Variants in BAIAP2L1 observed in about 807,000 individuals in gnomAD.
The protein encoded by BAIAP2L1 is BAR/IMD domain-containing adapter protein 2-like 1.
BAIAP2L1 carries 35 observed loss-of-function variants against 66.3 expected under a neutral mutation model. That is an observed-to-expected ratio of 0.53 (90% CI 0.40 to 0.70). BAIAP2L1 has a LOEUF of 0.70. Ranked by LOEUF, BAIAP2L1 falls within the 30% of genes least tolerant of loss-of-function variation. BAIAP2L1 has a pLI of 0.00. For missense variants in BAIAP2L1, 622 were observed against 656.9 expected, an observed-to-expected ratio of 0.95 and a Z score of 0.58; for synonymous variants, 269 against 248.7, an observed-to-expected ratio of 1.08 and a Z score of -0.77.
At chr7:98,386,693 G>A (rs1286760120) in intron 1 of BAIAP2L1, 1 of 155,918 alleles carries the variant, frequency 6.4e-6, no homozygotes, top group African/African-American at 5.6e-5. Context: ...CTTTCCAAAG[G>A]TTTTTTTTTT....
intron 12 of BAIAP2L1, among the ~76,000 whole-genome samples, chr7:98,296,437 C>G (rs980556762): frequency 2.6e-5 from 4 of 152,070 alleles, no homozygotes; most frequent in African/African-American, 9.7e-5. Context: ...ACCAGCCTGA[C>G]CAACATGGAG....
chr7:98,356,058 A>C (rs1319193371), intron 2 of BAIAP2L1, among the ~76,000 whole-genome samples: 1 of 152,190 alleles, frequency 6.6e-6, no homozygotes, highest in Non-Finnish European at 1.5e-5. Flanking sequence ...TATTGCTACA[A>C]GGTGGGTTCT....
chr7:98,345,902 TA>T (rs1378967633), intron 3 of BAIAP2L1, among the ~76,000 whole-genome samples: 6 of 151,290 alleles, frequency 4.0e-5, no homozygotes, highest in Middle Eastern at 3.4e-3. Flanking sequence ...AAATCATTTA[TA>T]GGATGGCTAT....
intron 2 of BAIAP2L1, among the ~76,000 whole-genome samples, chr7:98,357,047 A>G (rs1323521750): frequency 1.2e-4 from 2 of 16,492 alleles, no homozygotes; most frequent in African/African-American, 4.8e-4. Context: ...ATATATATAT[A>G]TATTTTTTTT....
At chr7:98,373,233 C>T (rs1163352527) in intron 1 of BAIAP2L1, among the ~76,000 whole-genome samples, 2 of 152,060 alleles carry the variant, frequency 1.3e-5, no homozygotes, top group African/African-American at 4.8e-5. Context: ...CTGTTCATAC[C>T]CATCATGAAT....
At position 98,306,427 on chromosome 7, in the gene BAIAP2L1, G is replaced by A. The variant is rs201317801; in HGVS notation, c.1241+12C>T. On this transcript the variant is annotated intron_variant, in intron 11 of 13. Coordinates refer to ENST00000005260, the MANE Select transcript of BAIAP2L1 (RefSeq NM_018842.5). ...TCTGTCACCGGGAGAGCTCAGCCAC[G>A]TTCAGGGCTACCTTGGCGTGGGCAC... 5.0e-6 allele frequency: 8 copies of A among 1,614,156 alleles called. No homozygotes were observed. The highest frequency in any genetic ancestry group is 4.0e-5 in the African/African-American group (3 of 75,040).
At chr7:98,353,302 AAC>A (rs1331208044) in intron 3 of BAIAP2L1, among the ~76,000 whole-genome samples, 1 of 146,666 alleles carries the variant, frequency 6.8e-6, no homozygotes, top group African/African-American at 2.5e-5. Context: ...CAACCTGGCC[AAC>A]ACAGAGAGAC....
chr7:98,393,104 C>CAT lies in BAIAP2L1; in HGVS notation c.51+7696_51+7697dup, dbSNP rs1331400439. 2.4e-3 allele frequency among the ~76,000 whole-genome samples: 212 copies of CAT among 88,872 alleles called. 2 individuals carry two copies. The highest frequency in any genetic ancestry group is 8.1e-3 in the African/African-American group (174 of 21,492). 58.3% of individuals were successfully genotyped at this position (88,872 alleles called of 152,430 possible). A position where few individuals can be genotyped will look rare whatever the true frequency, so the allele number is the denominator to read the frequency against. Reference sequence around the variant, plus strand: ...ACACATATATACATATATACGTGTACATATATGTACACATATATGTATATA... The same window carrying CAT: ...ACACATATATACATATATACGTGTACATATATATGTACACATATATGTATATA... On this transcript the variant is annotated intron_variant, in intron 1 of 13. Coordinates refer to ENST00000005260, the MANE Select transcript of BAIAP2L1 (RefSeq NM_018842.5).
intron 1 of BAIAP2L1, among the ~76,000 whole-genome samples, chr7:98,384,112 C>A (rs867222946): frequency 3.8e-4 from 57 of 149,398 alleles, no homozygotes; most frequent in African/African-American, 1.2e-3. Context: ...CGAGATCGCA[C>A]CATTGCAATC....
intron 1 of BAIAP2L1, chr7:98,386,270 G>A (rs572901747): frequency 2.9e-5 from 46 of 1,594,080 alleles, no homozygotes; most frequent in Middle Eastern, 1.7e-4. Context: ...ATTTTGTCAC[G>A]GGTAAGATCC....
At chr7:98,330,209 A>G (rs1040595515) in intron 3 of BAIAP2L1, among the ~76,000 whole-genome samples, 1 of 152,208 alleles carries the variant, frequency 6.6e-6, no homozygotes, top group Non-Finnish European at 1.5e-5. Context: ...TATCAGACAG[A>G]GAACTAACCA....
chr7:98,311,501 A>G (rs1243765373), intron 8 of BAIAP2L1, among the ~76,000 whole-genome samples: 1 of 151,970 alleles, frequency 6.6e-6, no homozygotes, highest in Non-Finnish European at 1.5e-5. Flanking sequence ...AGATTGCGCC[A>G]TTGCACTCCA....
chr7:98,388,564 T>A (rs1024268804), intron 1 of BAIAP2L1, among the ~76,000 whole-genome samples: 1 of 152,256 alleles, frequency 6.6e-6, no homozygotes, highest in African/African-American at 2.4e-5. Flanking sequence ...TGTTCCTGCA[T>A]TTATTGTTCA....
chr7:98,355,096 C>T lies in BAIAP2L1; in HGVS notation c.160G>A (p.Gly54Arg). 6.2e-7 allele frequency: 1 copy of T among 1,613,984 alleles called. No individual in the cohort carries two copies. The highest frequency in any genetic ancestry group is 8.5e-7 in the Non-Finnish European group (1 of 1,179,862). Residue 54 changes from glycine to arginine, a missense_variant, in exon 3 of 14, where the codon GGA becomes AGA. By Grantham distance (125) the Gly-to-Arg change is moderately radical (BLOSUM62 -2). Transcript: ENST00000005260. ...MILAGKAYYD[G>R]VAKIGEIATG... ...GCAATCTCACCGATCTTGGCCACTCCATCGTAGTAGGCTTTTCCTGCCAGG... is the reference window on the plus strand; with the variant it reads ...GCAATCTCACCGATCTTGGCCACTCTATCGTAGTAGGCTTTTCCTGCCAGG...
At chr7:98,377,819 CAAAAAAAAAA>C (rs55633908) in intron 1 of BAIAP2L1, among the ~76,000 whole-genome samples, 9 of 40,768 alleles carry the variant, frequency 2.2e-4, no homozygotes, top group Admixed American at 4.5e-4. Flanking sequence ...GACTCAATCT[CAAAAAAAAAA>C]AAAAAAAAAA....
intron 1 of BAIAP2L1, chr7:98,400,050 C>T (rs544931272): frequency 2.6e-5 from 4 of 151,822 alleles, no homozygotes; most frequent in Admixed American, 2.6e-4. Context: ...AGAGGAAACT[C>T]GAGCTTGTGT....
At chr7:98,301,662 G>GGTGT (rs140880740) in intron 12 of BAIAP2L1, among the ~76,000 whole-genome samples, 12 of 151,400 alleles carry the variant, frequency 7.9e-5, no homozygotes, top group African/African-American at 2.9e-4. Context: ...TGAAGATGAT[G>GGTGT]GTGTGTGTGT....
At chr7:98,342,593 C>T (rs933405897) in intron 3 of BAIAP2L1, among the ~76,000 whole-genome samples, 1 of 152,128 alleles carries the variant, frequency 6.6e-6, no homozygotes, top group Non-Finnish European at 1.5e-5. Context: ...AATGCAATGG[C>T]TGACTAAACT....
intron 3 of BAIAP2L1, among the ~76,000 whole-genome samples, chr7:98,335,735 C>A (rs1202959041): frequency 3.3e-5 from 5 of 152,208 alleles, no homozygotes; most frequent in Admixed American, 6.5e-5. Flanking sequence ...GCTGCCAGCT[C>A]CCCCGCTGGG....
Sources: gnomAD v4.1 joint callset for allele counts (sites outside exome capture counted in the v4.1 genomes callset) on GRCh38, gnomAD v4.1.1 for gene constraint, MANE v1.5 for transcripts, NCBI Gene and HGNC (gene_info 2026-07-23, HGNC 2026-07-21) for gene names.